Variants in FRAS1 observed in about 807,000 individuals in gnomAD.
The protein encoded by FRAS1 is extracellular matrix organizing protein FRAS1.
FRAS1 carries 290 observed loss-of-function variants against 435.2 expected under a neutral mutation model. That is an observed-to-expected ratio of 0.67 (90% confidence interval 0.61 to 0.73). The LOEUF (loss-of-function observed/expected upper bound fraction) is 0.73, where lower values mean the gene tolerates loss of function less well. Among genes scored for constraint, FRAS1 ranks in the 30% least tolerant of loss-of-function variants. The pLI, the probability that FRAS1 is intolerant of heterozygous loss-of-function variation, is 0.00. For missense variants in FRAS1, 4,860 were observed against 5,001.5 expected (o/e 0.97, Z 0.85); for synonymous variants, 1,800 against 1,851.0 (o/e 0.97, Z 0.71).
At chr4:78,480,751 C>A (rs1719987845) in intron 56 of FRAS1, among the ~76,000 whole-genome samples, 1 of 152,170 alleles carries the variant, frequency 6.6e-6, no homozygotes, top group Non-Finnish European at 1.5e-5. Flanking sequence ...ATGCTGCAGG[C>A]AGATATACTG....
intron 14 of FRAS1, among the ~76,000 whole-genome samples, chr4:78,291,994 C>T (rs750680385): frequency 1.4e-4 from 21 of 152,040 alleles, no homozygotes; most frequent in Non-Finnish European, 2.2e-4. Context: ...AAAATGGGGA[C>T]GATATTATCT....
At position 78,445,732 on chromosome 4, in the gene FRAS1, G is replaced by A. The variant is rs1030305068; in HGVS notation, c.5856+20G>A. On this transcript the variant is annotated intron_variant, in intron 42 of 73. Transcript: ENST00000512123. ...ATTGAGGTAAAGACTTTGGAAGTTG[G>A]AAAGGTTGAGCCCTTGACCACAATA... is the stretch of plus-strand genomic sequence containing the variant. 1 of 1,613,494 alleles carries A rather than the reference G, an allele frequency of 6.2e-7. No homozygotes were observed. Among genetic ancestry groups the A allele is most frequent in the Admixed American group, 1.7e-5 (1 of 59,996 alleles).
intron 22 of FRAS1, among the ~76,000 whole-genome samples, chr4:78,368,563 C>T (rs1425829564): frequency 6.6e-6 from 1 of 152,064 alleles, no homozygotes; most frequent in African/African-American, 2.4e-5. Context: ...GACAGATAAC[C>T]AGCTAGGTGC....
chr4:78,178,053 G>A (rs950689409), intron 2 of FRAS1, among the ~76,000 whole-genome samples: 2 of 152,156 alleles, frequency 1.3e-5, no homozygotes, highest in Non-Finnish European at 2.9e-5. Context: ...CCCTCCCAAA[G>A]CTCTAAGGGA....
At chr4:78,518,176 T>A (rs896883457) in intron 66 of FRAS1, among the ~76,000 whole-genome samples, 2 of 151,888 alleles carry the variant, frequency 1.3e-5, no homozygotes, top group Non-Finnish European at 2.9e-5. Context: ...AAATGGAATT[T>A]TTCAATGAGT....
At chr4:78,264,609 A>C (rs1242448151) in intron 6 of FRAS1, among the ~76,000 whole-genome samples, 1 of 152,184 alleles carries the variant, frequency 6.6e-6, no homozygotes, top group African/African-American at 2.4e-5. Context: ...TCCTGCTGCC[A>C]ACCAGTTACC....
Position 78,481,922 on chromosome 4 carries a change from C to T in FRAS1, c.8562C>T (p.Pro2854=), listed in dbSNP as rs1380409525. Residue 2854 remains proline (P), a synonymous_variant, in exon 57 of 74, where the codon CCC becomes CCT. Coordinates refer to ENST00000512123, the MANE Select transcript of FRAS1 (RefSeq NM_025074.7). The stretch of plus-strand genomic sequence containing the variant: ...CCACACCAGGAGTTGACTACGTTCC[C>T]AGCTCTCGGAAGGTGGAATTTGGGC... ...ASATPGVDYV[P]SSRKVEFGPG... 2 of 1,613,872 alleles carry T rather than the reference C, an allele frequency of 1.2e-6. No individual in the cohort carries two copies. Among genetic ancestry groups the T allele is most frequent in the South Asian group, 2.2e-5 (2 of 91,060 alleles).
chr4:78,480,075 T>C (rs1026725200), intron 56 of FRAS1, among the ~76,000 whole-genome samples: 1 of 152,230 alleles, frequency 6.6e-6, no homozygotes, highest in Non-Finnish European at 1.5e-5. Flanking sequence ...TCCTTTGTGT[T>C]ATGTACAATC....
At chr4:78,273,072 G>A (rs969676609) in intron 9 of FRAS1, among the ~76,000 whole-genome samples, 6 of 152,120 alleles carry the variant, frequency 3.9e-5, no homozygotes, top group Non-Finnish European at 7.3e-5. Context: ...TCTCTTTGAA[G>A]CAATTGTGAA....
chr4:78,428,187 G>A (rs1010260201), intron 35 of FRAS1, among the ~76,000 whole-genome samples: 1 of 152,184 alleles, frequency 6.6e-6, no homozygotes, highest in African/African-American at 2.4e-5. Context: ...AAAATCCAGG[G>A]AAATAAAATC....
intron 30 of FRAS1, among the ~76,000 whole-genome samples, chr4:78,404,778 T>C (rs955430044): frequency 2.0e-5 from 3 of 152,230 alleles, no homozygotes; most frequent in African/African-American, 7.2e-5. Flanking sequence ...TTGTCAGTAG[T>C]CTTATAATTG....
intron 38 of FRAS1, among the ~76,000 whole-genome samples, chr4:78,436,968 A>G (rs147880219): frequency 6.6e-6 from 1 of 152,284 alleles, no homozygotes; most frequent in African/African-American, 2.4e-5. Context: ...ATAAATTAAT[A>G]CAAAAGGGAT....
At chr4:78,243,638 C>T (rs748684316) in intron 3 of FRAS1, among the ~76,000 whole-genome samples, 12 of 149,348 alleles carry the variant, frequency 8.0e-5, no homozygotes, top group South Asian at 4.4e-4. Flanking sequence ...TCTCCCCTCC[C>T]GCTACTGCCA....
intron 14 of FRAS1, among the ~76,000 whole-genome samples, chr4:78,295,452 A>G (rs1316364893): frequency 2.0e-5 from 3 of 152,192 alleles, no homozygotes; most frequent in East Asian, 1.9e-4. Context: ...TTGATGTAAA[A>G]TGAAATCTTG....
At chr4:78,264,828 C>T in intron 6 of FRAS1, 197 bp from the exon 7 acceptor site, 1 of 675,864 alleles carries the variant, frequency 1.5e-6, no homozygotes, top group Non-Finnish European at 2.7e-6. Flanking sequence ...CATGTGCAAA[C>T]TTCTTAAGGG....
chr4:78,368,200 C>A (rs902342403), intron 22 of FRAS1, among the ~76,000 whole-genome samples: 2 of 150,840 alleles, frequency 1.3e-5, no homozygotes, highest in Non-Finnish European at 2.9e-5. Flanking sequence ...TTAAAATATT[C>A]TTTTCTAATT....
At chr4:78,182,378 G>C (rs1722055617) in intron 2 of FRAS1, among the ~76,000 whole-genome samples, 1 of 152,216 alleles carries the variant, frequency 6.6e-6, no homozygotes, top group African/African-American at 2.4e-5. Flanking sequence ...GTTCCTAAGA[G>C]AAGCAGAGTC....
At chr4:78,396,059 T>A (rs937886373) in intron 29 of FRAS1, among the ~76,000 whole-genome samples, 1 of 152,122 alleles carries the variant, frequency 6.6e-6, no homozygotes, top group South Asian at 2.1e-4. Context: ...GAGGGTTACA[T>A]AAAATATCTT....
At position 78,384,147 on chromosome 4, in the gene FRAS1, A is replaced by T; in HGVS notation, c.3648+4A>T. The T allele has an allele frequency of 6.4e-7, 1 of 1,574,084 alleles. No homozygotes were observed. The highest frequency in any genetic ancestry group is 1.9e-5 in the Admixed American group (1 of 53,412). On this transcript the variant is annotated splice_donor_region_variant and intron_variant, in intron 28 of 73. Transcript: ENST00000512123. ...CATACAAGCATTTTCAACACAGGTAATAAAAATGGCCACGTAATTAATAAT... is the reference window on the plus strand; with the variant it reads ...CATACAAGCATTTTCAACACAGGTATTAAAAATGGCCACGTAATTAATAAT...
Sources: gnomAD v4.1 joint callset for allele counts (sites outside exome capture counted in the v4.1 genomes callset) on GRCh38, gnomAD v4.1.1 for gene constraint, MANE v1.5 for transcripts, NCBI Gene and HGNC (gene_info 2026-07-23, HGNC 2026-07-21) for gene names.